Variants in FAM171B observed in about 807,000 individuals in gnomAD.
The protein encoded by FAM171B is family with sequence similarity 171 member B.
FAM171B carries 19 observed loss-of-function variants against 75.6 expected under a neutral mutation model. The observed-to-expected ratio is 0.25, with a 90% CI of 0.18 to 0.37. FAM171B has a LOEUF of 0.37. FAM171B is among the 10% of genes least tolerant of loss of function. FAM171B has a pLI of 1.00. For missense variants in FAM171B, 848 were observed against 982.4 expected (o/e 0.86, Z 1.83); for synonymous variants, 367 against 361.7 (o/e 1.01, Z -0.17).
In FAM171B at chr2:186,750,065, T is replaced by C. The variant is rs145585234; in HGVS notation, c.725-1069T>C. 8.8e-3 allele frequency among the ~76,000 whole-genome samples: 1,343 copies of C among 152,300 alleles called. 24 individuals are homozygous for C. Among genetic ancestry groups the C allele is most frequent in the African/African-American group, 0.031 (1,276 of 41,552 alleles). On this transcript the variant is annotated intron_variant, in intron 4 of 7. Coordinates refer to ENST00000304698, the MANE Select transcript of FAM171B (RefSeq NM_177454.4). ...GAGTACATGGTGCTGGTAGGGACTT[T>C]GTAAATATTTGTTAAATGAATGAAC...
chr2:186,763,047 T>C lies in FAM171B; in HGVS notation c.*224T>C. On this transcript the variant is annotated 3_prime_UTR_variant, in exon 8 of 8. Coordinates refer to ENST00000304698, the MANE Select transcript of FAM171B (RefSeq NM_177454.4). ...GGTGATGAATTTACAGTATCTAAGTTTTCAAAATGTAAAATAGCTTCAAGA... is the reference window on the plus strand; with the variant it reads ...GGTGATGAATTTACAGTATCTAAGTCTTCAAAATGTAAAATAGCTTCAAGA... The C allele has an allele frequency of 2.0e-6, 1 of 492,210 alleles. No individual in the cohort carries two copies. Among genetic ancestry groups the C allele is most frequent in the Non-Finnish European group, 3.5e-6 (1 of 287,630 alleles). 30.5% of individuals were successfully genotyped at this position (492,210 alleles called of 1,614,324 possible). A position where few individuals can be genotyped will look rare whatever the true frequency, so the allele number is the denominator to read the frequency against.
chr2:186,743,499 A>T lies in FAM171B; in HGVS notation c.489A>T (p.Thr163=). 6.2e-7 allele frequency: 1 copy of T among 1,610,854 alleles called. No homozygotes were observed. Among genetic ancestry groups the T allele is most frequent in the Admixed American group, 1.7e-5 (1 of 59,972 alleles). Residue 163 remains threonine, a synonymous_variant, in exon 3 of 8, where the codon ACA becomes ACT. Coordinates refer to ENST00000304698, the MANE Select transcript of FAM171B (RefSeq NM_177454.4). ...ATTTCACAGTATATTCATCAGTTACACTTTCACTGTTCCCGCAAAGCCAAG... is the reference window on the plus strand; with the variant it reads ...ATTTCACAGTATATTCATCAGTTACTCTTTCACTGTTCCCGCAAAGCCAAG... ...TRRMPIYSSV[T]LSLFPQSQAN...
At chr2:186,733,707 C>T (rs1458079738) in intron 1 of FAM171B, among the ~76,000 whole-genome samples, 1 of 152,142 alleles carries the variant, frequency 6.6e-6, no homozygotes, top group African/African-American at 2.4e-5. Flanking sequence ...GCCAGACATA[C>T]CAACTGTGAC....
intron 1 of FAM171B, among the ~76,000 whole-genome samples, chr2:186,714,376 CTT>C (rs1459029850): frequency 6.6e-6 from 1 of 152,112 alleles, no homozygotes; most frequent in African/African-American, 2.4e-5. Context: ...TAAAACAACA[CTT>C]TACGTGACTT....
rs1257235853 is a variant in FAM171B, at chr2:186,763,657, C to CTAAAT, written c.*836_*840dup. Reference sequence around the variant, plus strand: ...TTTAAGGCTCACTGATACTTTTAGGCTAAATTGGTTTTAATATATTTCTTC... The same window carrying CTAAAT: ...TTTAAGGCTCACTGATACTTTTAGGCTAAATTAAATTGGTTTTAATATATTTCTTC... On this transcript the variant is annotated 3_prime_UTR_variant, in exon 8 of 8. Coordinates refer to ENST00000304698, the MANE Select transcript of FAM171B (RefSeq NM_177454.4). 1 of 151,764 alleles carries CTAAAT rather than the reference C, an allele frequency of 6.6e-6. No homozygotes were observed. Among genetic ancestry groups the CTAAAT allele is most frequent in the Non-Finnish European group, 1.5e-5 (1 of 67,928 alleles). 9.4% of individuals were successfully genotyped at this position (151,764 alleles called of 1,614,324 possible).
In FAM171B at chr2:186,694,131, C is replaced by G; in HGVS notation, c.-43C>G. On this transcript the variant is annotated 5_prime_UTR_variant, in exon 1 of 8. Transcript: ENST00000304698. Reference sequence around the variant, plus strand: ...CGCAGCCCTGGCGCCCGCCGCCGCCCGGAGCCCCGCAATATGCCGCCGCGG... The same window carrying G: ...CGCAGCCCTGGCGCCCGCCGCCGCCGGGAGCCCCGCAATATGCCGCCGCGG... 6.8e-7 allele frequency: 1 copy of G among 1,463,732 alleles called. No individual in the cohort carries two copies. Among genetic ancestry groups the G allele is most frequent in the East Asian group, 2.7e-5 (1 of 37,702 alleles). 90.7% of individuals were successfully genotyped at this position (1,463,732 alleles called of 1,614,324 possible).
intron 6 of FAM171B, among the ~76,000 whole-genome samples, chr2:186,759,821 T>C (rs577075160): frequency 6.6e-6 from 1 of 152,192 alleles, no homozygotes; most frequent in South Asian, 2.1e-4. Flanking sequence ...ATTTTTGCTT[T>C]GGTTGCCTGT....
intron 1 of FAM171B, among the ~76,000 whole-genome samples, chr2:186,713,246 T>C (rs947952687): frequency 2.6e-5 from 4 of 152,204 alleles, no homozygotes; most frequent in Non-Finnish European, 4.4e-5. Context: ...CTGCCTTTCA[T>C]GTAACCAGTA....
At chr2:186,736,844 G>T (rs922942291) in intron 1 of FAM171B, among the ~76,000 whole-genome samples, 1 of 151,966 alleles carries the variant, frequency 6.6e-6, no homozygotes, top group Non-Finnish European at 1.5e-5. Context: ...ACATTGACAA[G>T]AATTTTTTAT....
intron 1 of FAM171B, among the ~76,000 whole-genome samples, chr2:186,707,123 A>G (rs960458603): frequency 2.6e-5 from 4 of 152,142 alleles, no homozygotes; most frequent in Non-Finnish European, 5.9e-5. Context: ...TTATTTTGAT[A>G]TCTTTATGTG....
chr2:186,724,418 A>T (rs1195931287), intron 1 of FAM171B, among the ~76,000 whole-genome samples: 1 of 152,064 alleles, frequency 6.6e-6, no homozygotes, highest in African/African-American at 2.4e-5. Flanking sequence ...GGACCCTAAG[A>T]CTCAATTGGC....
chr2:186,719,433 G>A (rs1689919564), intron 1 of FAM171B, among the ~76,000 whole-genome samples: 1 of 152,124 alleles, frequency 6.6e-6, no homozygotes, highest in African/African-American at 2.4e-5. Flanking sequence ...GTTTACCAAT[G>A]GAATCCCAAA....
chr2:186,739,287 G>A (rs1270492004), intron 1 of FAM171B, among the ~76,000 whole-genome samples: 1 of 151,938 alleles, frequency 6.6e-6, no homozygotes, highest in African/African-American at 2.4e-5. Context: ...GGTATACTTA[G>A]GTTATATTAA....
intron 4 of FAM171B, among the ~76,000 whole-genome samples, chr2:186,749,208 A>G (rs1034165626): frequency 6.6e-6 from 1 of 152,212 alleles, no homozygotes; most frequent in Non-Finnish European, 1.5e-5. Flanking sequence ...TTCCATGAGG[A>G]TAAAAATGTC....
At chr2:186,695,822 C>T (rs1483493222) in intron 1 of FAM171B, among the ~76,000 whole-genome samples, 4 of 152,246 alleles carry the variant, frequency 2.6e-5, no homozygotes, top group Non-Finnish European at 4.4e-5. Flanking sequence ...ACATACTGTT[C>T]GCTAAAGTTA....
At position 186,724,120 on chromosome 2, in the gene FAM171B, C is replaced by G. The variant is rs1689995678; in HGVS notation, c.239-16108C>G. ...AAAGTTGAGAAGTGGGTTAGCACAG[C>G]AAGTTTGGTTGCTCTATCCTTGCTT... is the stretch of plus-strand genomic sequence containing the variant. On this transcript the variant is annotated intron_variant, in intron 1 of 7. Coordinates refer to ENST00000304698, the MANE Select transcript of FAM171B (RefSeq NM_177454.4). Among the ~76,000 whole-genome samples, 3 of 152,258 alleles carry G rather than the reference C, an allele frequency of 2.0e-5. No individual in the cohort carries two copies. In the South Asian group the frequency reaches 6.2e-4, roughly 32 times the overall value.
At chr2:186,729,794 T>C (rs1690087190) in intron 1 of FAM171B, among the ~76,000 whole-genome samples, 2 of 152,108 alleles carry the variant, frequency 1.3e-5, no homozygotes, top group African/African-American at 2.4e-5. Flanking sequence ...CTTCTGAGCA[T>C]TGGTTGTGAG....
chr2:186,734,564 C>T (rs1181175912), intron 1 of FAM171B, among the ~76,000 whole-genome samples: 1 of 152,166 alleles, frequency 6.6e-6, no homozygotes, highest in East Asian at 1.9e-4. Context: ...TCATCCTGTC[C>T]TCTGCCTGAG....
rs373024377 is a variant in FAM171B at position 186,753,921 on chromosome 2, A to G, written c.896-12A>G. On this transcript the variant is annotated splice_polypyrimidine_tract_variant and intron_variant, in intron 5 of 7. Coordinates refer to ENST00000304698, the MANE Select transcript of FAM171B (RefSeq NM_177454.4). ...TATAACTGTAACAAGTATTTTTTAC[A>G]TACCTTTTTAGGTGCTTGGGTAAAT... The G allele has an allele frequency of 3.1e-6, 5 of 1,606,372 alleles. No homozygotes were observed. In the African/African-American group the frequency reaches 6.7e-5, roughly 21 times the overall value.
Sources: gnomAD v4.1 joint callset for allele counts (sites outside exome capture counted in the v4.1 genomes callset) on GRCh38, gnomAD v4.1.1 for gene constraint, MANE v1.5 for transcripts, NCBI Gene and HGNC (gene_info 2026-07-23, HGNC 2026-07-21) for gene names.